The following MGAT5B variants were observed in gnomAD, a reference collection of about 807,000 sequenced individuals.
MGAT5B encodes N-acetylglucosaminyl-transferase Vb.
MGAT5B carries 54 observed loss-of-function variants against 95.1 expected under a neutral mutation model. The ratio of observed to expected loss-of-function variants is 0.57; its 90% CI spans 0.46 to 0.71. MGAT5B has a LOEUF of 0.71. Among genes scored for constraint, MGAT5B ranks in the 30% least tolerant of loss-of-function variants. The pLI, the probability that MGAT5B is intolerant of heterozygous loss-of-function variation, is 0.00. For missense variants in MGAT5B, 935 were observed against 1,088.6 expected, an observed-to-expected ratio of 0.86 and a Z score of 1.99; for synonymous variants, 464 against 451.0, an observed-to-expected ratio of 1.03 and a Z score of -0.36.
At position 76,882,351 on chromosome 17, in the gene MGAT5B, C is replaced by T. The variant is rs752663042; in HGVS notation, c.329+53C>T. ...GGAGCAGGGGAGCGGTGGCACCTGC[C>T]ACTCCATCCGGGGTGCTGTCCGTCA... On this transcript the variant is annotated intron_variant, in intron 3 of 17. Coordinates refer to ENST00000569840, the MANE Select transcript of MGAT5B (RefSeq NM_001199172.2). The T allele has an allele frequency of 1.9e-6, 3 of 1,545,648 alleles. No individual in the cohort carries two copies. The South Asian group carries it at 3.6e-5, about 19-fold the overall frequency.
intron 15 of MGAT5B, among the ~76,000 whole-genome samples, chr17:76,945,121 GAGA>G (rs978758733): frequency 7.2e-5 from 11 of 152,014 alleles, no homozygotes; most frequent in African/African-American, 2.4e-4. Context: ...CACTGGGCCT[GAGA>G]AGGTTAATGG....
Position 76,930,861 on chromosome 17 carries a change from G to A in MGAT5B, c.1292-1784G>A, listed in dbSNP as rs1036196415. On this transcript the variant is annotated intron_variant, in intron 10 of 17. Coordinates refer to ENST00000569840, the MANE Select transcript of MGAT5B (RefSeq NM_001199172.2). This position sits in a 1 kb window ranked among gnomAD's most constrained non-coding sequence, Gnocchi z 4.1. Reference sequence around the variant, plus strand: ...GCTTCCAGGAGGAGGTGTCGTGTGAGAGGGGCCCCGAAGGCTGAGTAGAAT... The same window carrying A: ...GCTTCCAGGAGGAGGTGTCGTGTGAAAGGGGCCCCGAAGGCTGAGTAGAAT... Among the ~76,000 whole-genome samples the A allele has an allele frequency of 1.3e-5, 2 of 152,174 alleles. No homozygotes were observed. The highest frequency in any genetic ancestry group is 6.5e-5 in the Admixed American group (1 of 15,276).
intron 1 of MGAT5B, among the ~76,000 whole-genome samples, chr17:76,871,370 G>A (rs184942206): frequency 6.6e-6 from 1 of 152,142 alleles, no homozygotes; most frequent in Admixed American, 6.5e-5. Flanking sequence ...TCCCTTGCGC[G>A]GTCTTGCCTA....
chr17:76,933,248 T>C, intron 11 of MGAT5B, 44 bp from the exon 12 acceptor site: 1 of 1,598,174 alleles, frequency 6.3e-7, no homozygotes. Context: ...ACTAACCTGC[T>C]GTCTCTCTCT....
intron 12 of MGAT5B, among the ~76,000 whole-genome samples, chr17:76,936,333 G>A (rs1969671399): frequency 6.6e-6 from 1 of 152,180 alleles, no homozygotes; most frequent in Non-Finnish European, 1.5e-5. Context: ...GTTTGAACCT[G>A]GGAGGCGGAG....
chr17:76,930,785 T>G lies in MGAT5B; in HGVS notation c.1292-1860T>G, dbSNP rs1411883610. 6.6e-6 allele frequency among the ~76,000 whole-genome samples: 1 copy of G among 152,150 alleles called. No homozygotes were observed. Among genetic ancestry groups the G allele is most frequent in the Non-Finnish European group, 1.5e-5 (1 of 68,028 alleles). ...GGCAATCCCTGCTGTAACAGAGACC[T>G]AACTGCCGCAGATGGGGCCACAAAG... On this transcript the variant is annotated intron_variant, in intron 10 of 17. Transcript: ENST00000569840. The surrounding 1 kb of genome is among the most constrained non-coding windows in gnomAD (Gnocchi z 4.1).
At position 76,914,079 on chromosome 17, in the gene MGAT5B, T is replaced by G; in HGVS notation, c.1025+7892T>G. 2 of 157,026 alleles carry G rather than the reference T, an allele frequency of 1.3e-5. No individual in the cohort carries two copies. The highest frequency in any genetic ancestry group is 3.0e-5 in the African/African-American group (1 of 33,874). 9.7% of individuals were successfully genotyped at this position (157,026 alleles called of 1,614,324 possible). ...TCATGCTACTGCACTCTAGCTTGGG[T>G]GACAAAGCAAGACTGTCTCAAAAAA... On this transcript the variant is annotated intron_variant, in intron 8 of 17. Transcript: ENST00000569840. This position sits in a 1 kb window ranked among gnomAD's most constrained non-coding sequence, Gnocchi z 5.1.
rs1261011121 is a variant in MGAT5B, at chr17:76,926,670, G to A, written c.1231G>A (p.Gly411Ser). Residue 411 changes from glycine (G) to serine (S), a missense_variant, in exon 10 of 18, where the codon GGC (glycine) becomes AGC (serine). Transcript: ENST00000569840. ...CCACGAGGAGTACGCCACGCTGCAC[G>A]GCTACCGGACCAACTGGGGCTACTG... ...YNHEEYATLHGYRTNWGYWNL... is the reference protein window; with the variant it reads ...YNHEEYATLHSYRTNWGYWNL... 6 of 1,612,608 alleles carry A rather than the reference G, an allele frequency of 3.7e-6. No individual in the cohort carries two copies. The highest frequency in any genetic ancestry group is 1.7e-5 in the Admixed American group (1 of 59,996).
intron 3 of MGAT5B, among the ~76,000 whole-genome samples, chr17:76,888,841 C>T (rs911944398): frequency 3.3e-5 from 5 of 152,192 alleles, no homozygotes; most frequent in East Asian, 3.9e-4. Context: ...AGCATAGCTG[C>T]CTTCCAGAGT....
chr17:76,914,001 T>G lies in MGAT5B; in HGVS notation c.1025+7814T>G, dbSNP rs912049086. ...CTGTGGTCCCAGCTACTCAGGCGAC[T>G]GAGGAAGGAGGATCACTTGAGCCTG... On this transcript the variant is annotated intron_variant, in intron 8 of 17. Coordinates refer to ENST00000569840, the MANE Select transcript of MGAT5B (RefSeq NM_001199172.2). This position sits in a 1 kb window ranked among gnomAD's most constrained non-coding sequence, Gnocchi z 5.1. 2 of 338,606 alleles carry G rather than the reference T, an allele frequency of 5.9e-6. No individual in the cohort carries two copies. Among genetic ancestry groups the G allele is most frequent in the Admixed American group, 3.8e-5 (1 of 26,350 alleles). 21.0% of individuals were successfully genotyped at this position (338,606 alleles called of 1,614,324 possible).
chr17:76,906,137 T>C lies in MGAT5B; in HGVS notation c.975T>C (p.Tyr325=), dbSNP rs750239226. 5.6e-6 allele frequency: 9 copies of C among 1,607,004 alleles called. No homozygotes were observed. In the Admixed American group the frequency reaches 1.2e-4, roughly 21 times the overall value. Residue 325 remains tyrosine, a synonymous_variant, in exon 8 of 18, where the codon TAT becomes TAC. Transcript: ENST00000569840. This position sits in a 1 kb window ranked among gnomAD's most constrained non-coding sequence, Gnocchi z 4.6. The part of the protein sequence containing the change: ...VQWADILTAL[Y]VLGHGLRVTV... ...GGGCGGACATTCTGACTGCACTCTATGTCCTGGGCCATGGCCTGCGGGTCA... is the reference window on the plus strand; with the variant it reads ...GGGCGGACATTCTGACTGCACTCTACGTCCTGGGCCATGGCCTGCGGGTCA...
chr17:76,924,364 T>C (rs76119756), intron 8 of MGAT5B: 2,853 of 152,656 alleles, frequency 0.019, 37 homozygotes, highest in Non-Finnish European at 0.03. Context: ...AGCTGCGTCT[T>C]CCAGGTCACC....
In MGAT5B at chr17:76,869,682, C is replaced by G. The variant is rs1473724038; in HGVS notation, c.68+585C>G. 6.6e-6 allele frequency among the ~76,000 whole-genome samples: 1 copy of G among 152,226 alleles called. No homozygotes were observed. The highest frequency in any genetic ancestry group is 1.5e-5 in the Non-Finnish European group (1 of 68,026). On this transcript the variant is annotated intron_variant, in intron 1 of 17. Transcript: ENST00000569840. This position sits in a 1 kb window ranked among gnomAD's most constrained non-coding sequence, Gnocchi z 7.0. ...GGACTCGCTCATCCCAGGATTCGCC[C>G]CCGATCGCAGGCGTCGGAGAGGCGG...
rs1306300599 is a variant in MGAT5B, at chr17:76,905,504, C to T, written c.855+171C>T. On this transcript the variant is annotated intron_variant, in intron 7 of 17. Coordinates refer to ENST00000569840, the MANE Select transcript of MGAT5B (RefSeq NM_001199172.2). The surrounding 1 kb of genome is among the most constrained non-coding windows in gnomAD (Gnocchi z 4.2). ...GGGATAGATGTCTGTGGTGGTGGCC[C>T]CTGGCCCTTTTCAAGGTTGGGACCA... Among the ~76,000 whole-genome samples, 1 of 152,128 alleles carries T rather than the reference C, an allele frequency of 6.6e-6. No homozygotes were observed. The highest frequency in any genetic ancestry group is 2.4e-5 in the African/African-American group (1 of 41,418).
intron 8 of MGAT5B, among the ~76,000 whole-genome samples, chr17:76,909,301 A>G (rs1288799798): frequency 6.6e-6 from 1 of 152,064 alleles, no homozygotes; most frequent in Admixed American, 6.6e-5. Flanking sequence ...CCTTCTATCT[A>G]TCTATATGTT....
Position 76,947,859 on chromosome 17 carries a change from A to C in MGAT5B, c.1953A>C (p.Leu651=), listed in dbSNP as rs780111507. The C allele has an allele frequency of 4.4e-6, 7 of 1,591,512 alleles. No homozygotes were observed. The highest frequency in any genetic ancestry group is 6.0e-6 in the Non-Finnish European group (7 of 1,165,628). The part of the protein sequence containing the change: ...QDFCRAPDPA[L]PEAHAPQSPF... ...TCTGCAGAGCTCCAGACCCTGCCCT[A>C]CCAGAGGCCCACGCCCCGCAGAGCC... The change falls in exon 17 of 18, where the codon CTA becomes CTC. Residue 651 remains leucine (L), a synonymous_variant. Transcript: ENST00000569840.
rs1180983155 is a variant in MGAT5B, at chr17:76,902,688, G to A, written c.445+18G>A. 1 of 1,543,260 alleles carries A rather than the reference G, an allele frequency of 6.5e-7. No homozygotes were observed. On this transcript the variant is annotated intron_variant, in intron 4 of 17. Coordinates refer to ENST00000569840, the MANE Select transcript of MGAT5B (RefSeq NM_001199172.2). ...CAGCAAGGGTGGGTGCCAGGGGGCG[G>A]GGGTACCCTCTACCCCTAGGGGGCC...
chr17:76,897,232 C>T (rs1364052122), intron 3 of MGAT5B, among the ~76,000 whole-genome samples: 2 of 152,104 alleles, frequency 1.3e-5, no homozygotes, highest in African/African-American at 2.4e-5. Flanking sequence ...CTCTCTTTTG[C>T]GGTGGATTAA....
At chr17:76,919,303 C>T (rs1210889066) in intron 8 of MGAT5B, among the ~76,000 whole-genome samples, 1 of 152,150 alleles carries the variant, frequency 6.6e-6, no homozygotes, top group Admixed American at 6.5e-5. Flanking sequence ...TTGTTTATGG[C>T]CAGCTGGGAG....
Sources: allele counts gnomAD v4.1 joint callset (sites outside exome capture counted in the v4.1 genomes callset), GRCh38; gene constraint gnomAD v4.1.1; non-coding constraint Gnocchi (gnomAD v3.1); transcripts MANE v1.5; gene names NCBI Gene and HGNC (gene_info 2026-07-23, HGNC 2026-07-21).